HYDIN: variants seen among roughly 807,000 people sequenced by gnomAD.
HYDIN encodes the protein axonemal central pair apparatus protein HYDIN.
In HYDIN, 132 loss-of-function variants were observed where a neutral mutation model predicts 403.9. The ratio of observed to expected loss-of-function variants is 0.33; its 90% CI spans 0.28 to 0.38. The LOEUF is 0.38. HYDIN is among the 10% of genes least tolerant of loss of function. The pLI is 1.00. For synonymous variants in HYDIN, 1,202 were observed against 1,891.7 expected, an observed-to-expected ratio of 0.64 and a Z score of 9.46; for missense variants, 2,827 against 5,009.5, an observed-to-expected ratio of 0.56 and a Z score of 13.15.
chr16:70,880,214 A>C, intron 60 of HYDIN, among the ~76,000 whole-genome samples: 1 of 127,520 alleles, frequency 7.8e-6, no homozygotes, highest in African/African-American at 3.7e-5. Context: ...GTGTGCCACT[A>C]TGCCCAGCTA....
At chr16:71,040,265 C>T (rs2081242060) in intron 18 of HYDIN, among the ~76,000 whole-genome samples, 1 of 151,130 alleles carries the variant, frequency 6.6e-6, no homozygotes, top group South Asian at 2.1e-4. Context: ...TTGAGAGCAG[C>T]AGCTGAGTAA....
At chr16:70,976,567 G>A (rs1244948443) in intron 30 of HYDIN, among the ~76,000 whole-genome samples, 2 of 150,562 alleles carry the variant, frequency 1.3e-5, no homozygotes, top group Non-Finnish European at 3.0e-5. Flanking sequence ...AATAAGCTCT[G>A]TGGCTTGTAC....
rs1018251229 is a variant in HYDIN at position 70,803,574 on chromosome 16, T to C, written c.*4006A>G. On this transcript the variant is annotated 3_prime_UTR_variant, in exon 86 of 86. Transcript: ENST00000393567. The stretch of plus-strand genomic sequence containing the variant: ...GTAATAGTTCTGTAACAACTATTCA[T>C]AATAGCTATTACAAGTATGTAAAAG... Among the ~76,000 whole-genome samples the C allele has an allele frequency of 2.0e-5, 3 of 152,246 alleles. No homozygotes were observed. Among genetic ancestry groups the C allele is most frequent in the Non-Finnish European group, 2.9e-5 (2 of 68,040 alleles).
intron 41 of HYDIN, among the ~76,000 whole-genome samples, chr16:70,945,621 T>A (rs1388166387): frequency 6.6e-6 from 1 of 152,050 alleles, no homozygotes; most frequent in Non-Finnish European, 1.5e-5. Context: ...CTCCAATGAC[T>A]AGGAATTTGG....
rs1314715635 is a variant in HYDIN at position 70,918,223 on chromosome 16, TGTG to T, written c.7989_7991del (p.Thr2664del). The T allele has an allele frequency of 3.3e-6, 2 of 607,092 alleles. No homozygotes were observed. The highest frequency in any genetic ancestry group is 5.9e-6 in the Non-Finnish European group (2 of 339,268). The allele number at this position is 607,092 out of a possible 1,614,324, so 37.6% of individuals were successfully genotyped here. ...GCTCATGTGTTACCTTTGTAGTGTTTGTGGTGGCCAAAAAGTCTGATTCTATTT... is the reference window on the plus strand; with the variant it reads ...GCTCATGTGTTACCTTTGTAGTGTTTGTGGCCAAAAAGTCTGATTCTATTT... On this transcript the variant is annotated inframe_deletion, in exon 47 of 86. Transcript: ENST00000393567.
At chr16:71,192,811 G>A (rs1374545403) in intron 1 of HYDIN, among the ~76,000 whole-genome samples, 1 of 152,108 alleles carries the variant, frequency 6.6e-6, no homozygotes, top group East Asian at 1.9e-4. Context: ...ACCCTGTACA[G>A]GGCCTCATAC....
chr16:71,130,042 C>T (rs1321277758), intron 8 of HYDIN, among the ~76,000 whole-genome samples: 1 of 151,916 alleles, frequency 6.6e-6, no homozygotes, highest in Non-Finnish European at 1.5e-5. Flanking sequence ...AAGAGATCCT[C>T]CCTGGATTCC....
Position 70,834,778 on chromosome 16 carries a change from G to A in HYDIN, c.13402-614C>T, listed in dbSNP as rs371009178. Among the ~76,000 whole-genome samples, 106 of 151,644 alleles carry A rather than the reference G, an allele frequency of 7.0e-4. 2 individuals are homozygous for A. In the East Asian group the frequency reaches 0.017, roughly 25 times the overall value. On this transcript the variant is annotated intron_variant, in intron 78 of 85. Coordinates refer to ENST00000393567, the MANE Select transcript of HYDIN (RefSeq NM_001270974.2). The stretch of plus-strand genomic sequence containing the variant: ...CAGGAGAATCACTTGAACCCAGGAG[G>A]TGGAGATTGCAGTGAGCTGAGATCA...
chr16:71,047,860 G>A (rs570631187), intron 18 of HYDIN, among the ~76,000 whole-genome samples: 8 of 152,020 alleles, frequency 5.3e-5, no homozygotes, highest in East Asian at 3.9e-4. Flanking sequence ...CAACATTCAC[G>A]TTCTAGCTAT....
chr16:71,059,848 A>G (rs1192451861), intron 18 of HYDIN, among the ~76,000 whole-genome samples: 2 of 152,156 alleles, frequency 1.3e-5, no homozygotes, highest in Non-Finnish European at 2.9e-5. Flanking sequence ...TAATCCTCAC[A>G]TTGTTCAAGG....
At chr16:71,170,613 T>A (rs2086425472) in intron 5 of HYDIN, among the ~76,000 whole-genome samples, 1 of 152,084 alleles carries the variant, frequency 6.6e-6, no homozygotes, top group Non-Finnish European at 1.5e-5. Flanking sequence ...TTGTGAACCA[T>A]TGTTGCACTT....
In HYDIN at chr16:71,066,853, C is replaced by T. The variant is rs200716363; in HGVS notation, c.2075+437G>A. 1,076 of 485,200 alleles carry T rather than the reference C, an allele frequency of 2.2e-3. 1 individual carries two copies. Among genetic ancestry groups the T allele is most frequent in the Non-Finnish European group, 3.5e-3 (866 of 246,092 alleles). The allele number at this position is 485,200 out of a possible 1,614,324, so 30.1% of individuals were successfully genotyped here. A position where few individuals can be genotyped will look rare whatever the true frequency, so the allele number is the denominator to read the frequency against. ...AATTCAAGTCACAGCAACAGTGTCC[C>T]GGGGCAGGGACCTCTTGGCTCTATG... On this transcript the variant is annotated intron_variant, in intron 15 of 85. Coordinates refer to ENST00000393567, the MANE Select transcript of HYDIN (RefSeq NM_001270974.2).
At chr16:70,819,415 T>A (rs1027811969) in intron 83 of HYDIN, among the ~76,000 whole-genome samples, 10 of 151,822 alleles carry the variant, frequency 6.6e-5, no homozygotes, top group African/African-American at 1.9e-4. Flanking sequence ...TTAATTTTTA[T>A]TTTGTAAAGA....
In HYDIN at chr16:70,845,865, T is replaced by A. The variant is rs1597107200; in HGVS notation, c.12873+3861A>T. On this transcript the variant is annotated intron_variant, in intron 75 of 85. Transcript: ENST00000393567. ...TAGTATTCTCTGATGGTAGTTTGTA[T>A]TTCTGTGGGATCGGTGGTGATATCC... Among the ~76,000 whole-genome samples the A allele has an allele frequency of 1.4e-5, 2 of 141,162 alleles. 1 individual carries two copies. The highest frequency in any genetic ancestry group is 3.0e-5 in the Non-Finnish European group (2 of 66,970). The allele number at this position is 141,162 out of a possible 152,430, so 92.6% of individuals were successfully genotyped here.
At chr16:70,863,736 T>A (rs1437276880) in intron 67 of HYDIN, among the ~76,000 whole-genome samples, 5 of 151,342 alleles carry the variant, frequency 3.3e-5, no homozygotes, top group Non-Finnish European at 1.5e-5. Flanking sequence ...ATTAGCCAGG[T>A]GTGGTGGCAC....
At position 70,837,769 on chromosome 16, in the gene HYDIN, T is replaced by C. The variant is rs374424231; in HGVS notation, c.13163A>G (p.Tyr4388Cys). ...GATTTCAAAGGGAATGAGTTCTTGA[T>C]AGTTGATACTTTCTCGAGGATAAAA... is the stretch of plus-strand genomic sequence containing the variant. ...ITFYPRESIN[Y>C]QELIPFEING... The change falls in exon 77 of 86, where the codon TAT becomes TGT. Residue 4388 changes from tyrosine (Y) to cysteine (C), a missense_variant. Transcript: ENST00000393567. 3 of 1,613,830 alleles carry C rather than the reference T, an allele frequency of 1.9e-6. No individual in the cohort carries two copies. Among genetic ancestry groups the C allele is most frequent in the Non-Finnish European group, 2.5e-6 (3 of 1,179,852 alleles).
intron 48 of HYDIN, 93 bp from the exon 49 acceptor site, chr16:70,908,527 G>A: frequency 1.3e-6 from 2 of 1,503,048 alleles, no homozygotes; most frequent in South Asian, 1.3e-5. Flanking sequence ...TCCTGTTGGG[G>A]TGGGCATGGT....
chr16:70,970,786 A>C, intron 35 of HYDIN, 27 bp from the exon 36 acceptor site: 1 of 1,596,502 alleles, frequency 6.3e-7, no homozygotes, highest in Non-Finnish European at 8.6e-7. Flanking sequence ...CAAAACAAGC[A>C]TCTGAGTTTA....
intron 25 of HYDIN, among the ~76,000 whole-genome samples, chr16:70,990,896 A>C (rs1226655141): frequency 1.3e-5 from 2 of 152,244 alleles, no homozygotes; most frequent in Non-Finnish European, 2.9e-5. Flanking sequence ...ATTGCATCAC[A>C]TCATGGACAT....
Sources: allele counts gnomAD v4.1 joint callset (sites outside exome capture counted in the v4.1 genomes callset), GRCh38; gene constraint gnomAD v4.1.1; transcripts MANE v1.5; gene names NCBI Gene and HGNC (gene_info 2026-07-23, HGNC 2026-07-21).